The following FAM107A variants were observed in gnomAD, a reference collection of about 807,000 sequenced individuals.
The protein encoded by FAM107A is family with sequence similarity 107 member A, also known as actin-associated protein FAM107A.
Under a neutral mutation model 13.7 loss-of-function variants are expected in FAM107A, and 19 were observed. The ratio of observed to expected loss-of-function variants is 1.38; its 90% confidence interval spans 0.97 to 2.03. The LOEUF (loss-of-function observed/expected upper bound fraction) is 2.03, where lower values mean the gene tolerates loss of function less well. Among genes scored for constraint, FAM107A ranks in the 30% most tolerant of loss-of-function variants. The probability of loss-of-function intolerance (pLI) is 0.00; values close to 1 mark genes in which losing one functional copy is unlikely to be tolerated. For synonymous variants in FAM107A, 82 were observed against 74.5 expected (o/e 1.10, Z -0.52); for missense variants, 203 against 184.4 (o/e 1.10, Z -0.58).
At position 58,586,821 on chromosome 3, in the gene FAM107A, C is replaced by T. The variant is rs115665607; in HGVS notation, c.79+37G>A. The T allele has an allele frequency of 4.3e-3, 6,478 of 1,514,232 alleles. 246 individuals carry two copies. In the African/African-American group the frequency reaches 0.079, roughly 18 times the overall value. The allele number at this position is 1,514,232 out of a possible 1,614,324, so 93.8% of individuals were successfully genotyped here. Reference sequence around the variant, plus strand: ...CGTGCACCACAGAGCCCTCCTCGCCCACTTCCCGCGGCGAGGGTGGCGTTG... The same window carrying T: ...CGTGCACCACAGAGCCCTCCTCGCCTACTTCCCGCGGCGAGGGTGGCGTTG... On this transcript the variant is annotated intron_variant, in intron 1 of 3. Coordinates refer to the FAM107A transcript ENST00000447756.
exon 1 of FAM107A, chr3:58,587,038 C>A (rs1459386949): frequency 7.3e-7 from 1 of 1,375,062 alleles, no homozygotes. Context: ...TGACGCGGCC[C>A]CAAGTCCCAA....
In FAM107A at chr3:58,586,911, GC is replaced by G. The variant is rs1559480669; in HGVS notation, c.25del (p.Ala9ProfsTer35). 6.5e-7 allele frequency: 1 copy of G among 1,532,678 alleles called. No individual in the cohort carries two copies. Among genetic ancestry groups the G allele is most frequent in the Non-Finnish European group, 8.7e-7 (1 of 1,145,708 alleles). 94.9% of individuals were successfully genotyped at this position (1,532,678 alleles called of 1,614,324 possible). A position where few individuals can be genotyped will look rare whatever the true frequency, so the allele number is the denominator to read the frequency against. The stretch of plus-strand genomic sequence containing the variant: ...CCCGGTGGCATCGGAGGGCCCCCGG[GC>G]CCACTCGCCCAGCCTCTGCGCCATG... On this transcript the variant is annotated frameshift_variant, in exon 1 of 4. Transcript: ENST00000447756. LOFTEE classifies it high-confidence loss of function.
chr3:58,572,377 C>T (rs959479779), intron 1 of FAM107A, among the ~76,000 whole-genome samples: 9 of 152,204 alleles, frequency 5.9e-5, no homozygotes, highest in East Asian at 3.9e-4. Flanking sequence ...AGGAGGGACC[C>T]GCTGTCAGCC....
chr3:58,568,811 G>A (rs893274905), intron 2 of FAM107A, among the ~76,000 whole-genome samples: 1 of 152,204 alleles, frequency 6.6e-6, no homozygotes, highest in African/African-American at 2.4e-5. Context: ...GTTAGCAGGA[G>A]TATTTCCCAG....
At chr3:58,585,817 T>TC (rs1168131755) in intron 1 of FAM107A, among the ~76,000 whole-genome samples, 53 of 152,334 alleles carry the variant, frequency 3.5e-4, no homozygotes, top group African/African-American at 1.2e-3. Context: ...TTTCTCTTTT[T>TC]TTCCCCCCTA....
At position 58,565,539 on chromosome 3, in the gene FAM107A, C is replaced by T. The variant is rs976576547; in HGVS notation, c.*1049G>A. 2 of 124,904 alleles carry T rather than the reference C, an allele frequency of 1.6e-5. No individual in the cohort carries two copies. The highest frequency in any genetic ancestry group is 1.6e-5 in the Non-Finnish European group (1 of 63,120). The allele number at this position is 124,904 out of a possible 1,614,324, so 7.7% of individuals were successfully genotyped here. A position where few individuals can be genotyped will look rare whatever the true frequency, so the allele number is the denominator to read the frequency against. On this transcript the variant is annotated 3_prime_UTR_variant, in exon 4 of 4. Transcript: ENST00000360997. ...CAATCATGTACATCTCTGATTAAAA[C>T]AACACTCACATAACCAACACAATTT...
At chr3:58,593,619 C>T (rs2065673121) in intron 1 of FAM107A, among the ~76,000 whole-genome samples, 1 of 152,032 alleles carries the variant, frequency 6.6e-6, no homozygotes, top group African/African-American at 2.4e-5. Flanking sequence ...TATCCTTGCC[C>T]CTGTTCTCCA....
upstream of FAM107A, chr3:58,589,066 T>A: frequency 3.2e-6 from 2 of 626,076 alleles, no homozygotes; most frequent in Non-Finnish European, 5.7e-6. Flanking sequence ...GTGCCAGAAC[T>A]TATGCTGCAA....
intron 1 of FAM107A, among the ~76,000 whole-genome samples, chr3:58,621,354 G>T (rs942356985): frequency 3.9e-5 from 6 of 152,212 alleles, no homozygotes; most frequent in African/African-American, 1.4e-4. Context: ...GCTGCACAGG[G>T]CTCTGAGCTC....
At chr3:58,599,741 G>C (rs1326379168) in intron 1 of FAM107A, among the ~76,000 whole-genome samples, 3 of 56,734 alleles carry the variant, frequency 5.3e-5, no homozygotes, top group Non-Finnish European at 1.3e-4. Context: ...TTTTTGAGAC[G>C]GGATCCCGCT....
At chr3:58,591,927 C>G (rs903818509), upstream of FAM107A, among the ~76,000 whole-genome samples, 2 of 152,190 alleles carry the variant, frequency 1.3e-5, no homozygotes, top group South Asian at 4.1e-4. This position sits in a 1 kb window ranked among gnomAD's most constrained non-coding sequence, Gnocchi z 4.3. Context: ...ATAAAGGCCT[C>G]TGTGCTGTAT....
At chr3:58,577,532 A>G, upstream of FAM107A, 1 of 985,418 alleles carries the variant, frequency 1.0e-6, no homozygotes, top group Non-Finnish European at 1.2e-6. The surrounding 1 kb of genome is among the most constrained non-coding windows in gnomAD (Gnocchi z 4.9). Context: ...CAGATATTCC[A>G]CTTGGTGCAC....
intron 1 of FAM107A, among the ~76,000 whole-genome samples, chr3:58,571,752 C>G (rs953711527): frequency 6.6e-6 from 1 of 152,200 alleles, no homozygotes; most frequent in African/African-American, 2.4e-5. Context: ...GAGTAATTCT[C>G]AGCTACGCTC....
At chr3:58,590,565 A>G (rs2065646988), upstream of FAM107A, among the ~76,000 whole-genome samples, 1 of 152,214 alleles carries the variant, frequency 6.6e-6, no homozygotes, top group Admixed American at 6.5e-5. Flanking sequence ...AAATGGTTGG[A>G]GAGGCTCCAG....
intron 1 of FAM107A, among the ~76,000 whole-genome samples, chr3:58,572,564 T>G (rs2063694714): frequency 6.6e-6 from 1 of 152,084 alleles, no homozygotes; most frequent in Admixed American, 6.5e-5. Flanking sequence ...GCTGAGAGAC[T>G]GGGAGAGCGC....
chr3:58,587,056 T>C lies in FAM107A; in HGVS notation c.-120A>G, dbSNP rs1056791754. Reference sequence around the variant, plus strand: ...CGCGGCCCCAAGTCCCAAACCCCGCTGAGGGTCAAGTTACGGCGGCGGCCG... The same window carrying C: ...CGCGGCCCCAAGTCCCAAACCCCGCCGAGGGTCAAGTTACGGCGGCGGCCG... On this transcript the variant is annotated 5_prime_UTR_variant, in exon 1 of 4. Transcript: ENST00000447756. 30 of 1,366,382 alleles carry C rather than the reference T, an allele frequency of 2.2e-5. No individual in the cohort carries two copies. In the African/African-American group the frequency reaches 4.1e-4, roughly 19 times the overall value. The allele number at this position is 1,366,382 out of a possible 1,614,324, so 84.6% of individuals were successfully genotyped here. A position where few individuals can be genotyped will look rare whatever the true frequency, so the allele number is the denominator to read the frequency against.
At chr3:58,584,830 A>G (rs1427414236) in intron 1 of FAM107A, among the ~76,000 whole-genome samples, 1 of 152,240 alleles carries the variant, frequency 6.6e-6, no homozygotes, top group East Asian at 1.9e-4. Context: ...TCTAGAGGGT[A>G]TTTAAACCCC....
At chr3:58,626,145 G>A (rs1446445529) in intron 1 of FAM107A, among the ~76,000 whole-genome samples, 1 of 152,146 alleles carries the variant, frequency 6.6e-6, no homozygotes. Flanking sequence ...GGTCGTTGTG[G>A]TTGGAGAGCA....
intron 1 of FAM107A, among the ~76,000 whole-genome samples, chr3:58,583,087 C>A (rs1299875020): frequency 6.6e-6 from 1 of 152,190 alleles, no homozygotes. Flanking sequence ...GCGTGAGCCA[C>A]TGTGCCCGGC....
Sources: allele counts gnomAD v4.1 joint callset (sites outside exome capture counted in the v4.1 genomes callset), GRCh38; gene constraint gnomAD v4.1.1; non-coding constraint Gnocchi (gnomAD v3.1); transcripts MANE v1.5; gene names NCBI Gene and HGNC (gene_info 2026-07-23, HGNC 2026-07-21).